The following C2CD3 variants were observed in gnomAD, a reference collection of about 807,000 sequenced individuals.
C2CD3 encodes C2 domain-containing protein 3.
In C2CD3, 148 loss-of-function variants were observed where a neutral mutation model predicts 234.0. The observed-to-expected ratio is 0.63, with a 90% CI of 0.55 to 0.72. The LOEUF (loss-of-function observed/expected upper bound fraction) is 0.72. Among genes scored for constraint, C2CD3 ranks in the 30% least tolerant of loss-of-function variants. The pLI is 0.00. For missense variants in C2CD3, 2,577 were observed against 2,811.5 expected (o/e 0.92, Z 1.89); for synonymous variants, 1,000 against 1,035.4 (o/e 0.97, Z 0.66).
chr11:74,141,217 A>G (rs1380478301), intron 3 of C2CD3, among the ~76,000 whole-genome samples: 1 of 152,260 alleles, frequency 6.6e-6, no homozygotes, highest in Non-Finnish European at 1.5e-5. Flanking sequence ...CACAAACTCA[A>G]TAAAACATGC....
intron 15 of C2CD3, among the ~76,000 whole-genome samples, chr11:74,099,733 A>T (rs1956241416): frequency 6.6e-6 from 1 of 152,036 alleles, no homozygotes; most frequent in Non-Finnish European, 1.5e-5. Context: ...CGTCTCTACT[A>T]AAAATACAAA....
Position 74,085,864 on chromosome 11 carries a change from C to T in C2CD3, c.3664G>A (p.Ala1222Thr), listed in dbSNP as rs201160510. The change falls in exon 21 of 33, where the codon GCT becomes ACT. Residue 1222 changes from alanine (A) to threonine (T), a missense_variant. Transcript: ENST00000334126. ...AAKALAEREP[A>T]LQFSATVGVN... is the part of the protein sequence containing the mutation. ...CCGACTGTGGCACTAAACTGTAGAG[C>T]GGGTTCCCGTTCAGCCAAAGCCCTG... 3.9e-5 allele frequency: 63 copies of T among 1,613,262 alleles called. No homozygotes were observed. Among genetic ancestry groups the T allele is most frequent in the Admixed American group, 1.2e-4 (7 of 59,988 alleles).
intron 32 of C2CD3, among the ~76,000 whole-genome samples, chr11:74,022,575 GAC>G (rs955012836): frequency 1.3e-5 from 2 of 152,298 alleles, no homozygotes; most frequent in African/African-American, 4.8e-5. Context: ...CAGAGCAGAA[GAC>G]ACAGTCTGAG....
chr11:74,138,332 T>C (rs775810477), intron 5 of C2CD3, among the ~76,000 whole-genome samples: 1 of 152,232 alleles, frequency 6.6e-6, no homozygotes, highest in Non-Finnish European at 1.5e-5. Flanking sequence ...GTTTTCAGAA[T>C]GTGAAATGGA....
intron 24 of C2CD3, among the ~76,000 whole-genome samples, chr11:74,072,693 A>C (rs1248608560): frequency 6.8e-6 from 1 of 146,716 alleles, no homozygotes; most frequent in Non-Finnish European, 1.5e-5. Flanking sequence ...TGTAATCTCC[A>C]CAGGGCACAA....
At chr11:74,083,961 A>C (rs1251333130) in intron 22 of C2CD3, among the ~76,000 whole-genome samples, 1 of 152,228 alleles carries the variant, frequency 6.6e-6, no homozygotes, top group African/African-American at 2.4e-5. Context: ...CCAAAGGATT[A>C]TAAATCATGC....
At chr11:74,156,326 G>T (rs921273924) in intron 3 of C2CD3, among the ~76,000 whole-genome samples, 50 of 151,832 alleles carry the variant, frequency 3.3e-4, no homozygotes, top group African/African-American at 1.2e-3. Flanking sequence ...GCTGGGGGTG[G>T]TGGTGTGTGC....
chr11:74,141,923 GC>G (rs1480908646), intron 3 of C2CD3, among the ~76,000 whole-genome samples: 2 of 151,926 alleles, frequency 1.3e-5, no homozygotes, highest in Non-Finnish European at 2.9e-5. Flanking sequence ...GACTGCTTGA[GC>G]CCCGGATATT....
chr11:74,071,397 A>G (rs1169022295), intron 24 of C2CD3, among the ~76,000 whole-genome samples: 1 of 152,182 alleles, frequency 6.6e-6, no homozygotes, highest in Non-Finnish European at 1.5e-5. Flanking sequence ...ACAGACATTT[A>G]TGTGTCAGTC....
intron 5 of C2CD3, among the ~76,000 whole-genome samples, chr11:74,134,049 C>T (rs554883928): frequency 1.3e-5 from 2 of 152,176 alleles, no homozygotes; most frequent in South Asian, 4.2e-4. Context: ...CTTAAGGGGT[C>T]CCACAACAAT....
chr11:74,083,429 A>G (rs1366051162), intron 22 of C2CD3, among the ~76,000 whole-genome samples: 2 of 152,264 alleles, frequency 1.3e-5, no homozygotes, highest in East Asian at 3.8e-4. Flanking sequence ...AACAAAAGCC[A>G]AAATTGACAA....
chr11:74,017,707 G>A (rs1386903201), intron 32 of C2CD3, among the ~76,000 whole-genome samples: 1 of 152,210 alleles, frequency 6.6e-6, no homozygotes, highest in Non-Finnish European at 1.5e-5. Flanking sequence ...AATGCAAGAG[G>A]AGGCACTCTA....
chr11:74,094,649 G>C (rs1202240828), intron 17 of C2CD3, among the ~76,000 whole-genome samples: 1 of 152,042 alleles, frequency 6.6e-6, no homozygotes, highest in African/African-American at 2.4e-5. Flanking sequence ...AGTAGGATGG[G>C]GTTTGAATCC....
intron 7 of C2CD3, chr11:74,130,066 A>AGAGAGGGAGACGGAGACCGTGGGGAGAGG (rs1957596105): frequency 7.1e-6 from 1 of 141,612 alleles, no homozygotes; most frequent in Non-Finnish European, 1.5e-5. Context: ...GACCGTGGAA[A>AGAGAGGGAGACGGAGACCGTGGGGAGAGG]GAGAGGGAGA....
chr11:74,079,421 C>T (rs748112426), intron 22 of C2CD3, among the ~76,000 whole-genome samples: 55 of 151,622 alleles, frequency 3.6e-4, no homozygotes, highest in Non-Finnish European at 7.4e-5. Context: ...GAGATAGGGT[C>T]GTGTTGTGAT....
chr11:74,118,336 A>G lies in C2CD3; in HGVS notation c.1412T>C (p.Ile471Thr), dbSNP rs1037116553. The G allele has an allele frequency of 1.1e-5, 18 of 1,612,756 alleles. No individual in the cohort carries two copies. The highest frequency in any genetic ancestry group is 1.7e-5 in the Admixed American group (1 of 59,988). ...CTGGCTTATTTTTTTAGAAGGGACG[A>G]TATCATCCTCTTCACTGAGGAAATC... is the stretch of plus-strand genomic sequence containing the variant. ...ISDFLSEEDD[I>T]VPSKKISQST... Residue 471 changes from isoleucine (I) to threonine (T), a missense_variant, in exon 9 of 33, where the codon ATC (isoleucine) becomes ACC (threonine). Coordinates refer to ENST00000334126, the MANE Select transcript of C2CD3 (RefSeq NM_001286577.2).
At position 74,170,444 on chromosome 11, in the gene C2CD3, C is replaced by T. The variant is rs559359969; in HGVS notation, c.55+294G>A. ...ACCTCGAAAGCTACACACACACATA[C>T]ATTTCACTTCGTTATCAAAACCAAT... On this transcript the variant is annotated intron_variant, in intron 1 of 32. Transcript: ENST00000334126. 3.5e-4 allele frequency among the ~76,000 whole-genome samples: 53 copies of T among 152,292 alleles called. 1 individual carries two copies. Among genetic ancestry groups the T allele is most frequent in the African/African-American group, 1.3e-3 (52 of 41,562 alleles).
Position 74,100,639 on chromosome 11 carries a change from C to T in C2CD3, c.2618G>A (p.Arg873Lys). The T allele has an allele frequency of 6.2e-7, 1 of 1,614,006 alleles. No individual in the cohort carries two copies. Among genetic ancestry groups the T allele is most frequent in the Non-Finnish European group, 8.5e-7 (1 of 1,179,944 alleles). The stretch of plus-strand genomic sequence containing the variant: ...AATTACCATCACATTGTTCTTAAGC[C>T]TTTCCAGGTATTTGGAAGACAGAGA... ...PVSLSSKYLE[R>K]LKNNVMVIET... The change falls in exon 15 of 33, where the codon AGG (arginine) becomes AAG (lysine). Residue 873 changes from arginine (R) to lysine (K), a missense_variant. Arg to Lys is a conservative substitution (Grantham distance 26). Coordinates refer to ENST00000334126, the MANE Select transcript of C2CD3 (RefSeq NM_001286577.2).
intron 3 of C2CD3, among the ~76,000 whole-genome samples, chr11:74,160,361 T>A (rs1415973745): frequency 6.6e-6 from 1 of 152,058 alleles, no homozygotes; most frequent in African/African-American, 2.4e-5. Context: ...AACAAATCAA[T>A]GGATTTAAAA....
Sources: allele counts gnomAD v4.1 joint callset (sites outside exome capture counted in the v4.1 genomes callset), GRCh38; gene constraint gnomAD v4.1.1; transcripts MANE v1.5; gene names NCBI Gene and HGNC (gene_info 2026-07-23, HGNC 2026-07-21).